The following BAHCC1 variants were observed in gnomAD, a reference collection of about 807,000 sequenced individuals.
The protein encoded by BAHCC1 is BAH and coiled-coil domain-containing protein 1.
BAHCC1 carries 43 observed loss-of-function variants against 88.2 expected under a neutral mutation model. That is an observed-to-expected ratio of 0.49 (90% CI 0.38 to 0.63). The LOEUF (loss-of-function observed/expected upper bound fraction) is 0.63. Ranked by LOEUF, BAHCC1 falls within the 20% of genes least tolerant of loss-of-function variation. The pLI is 0.00. For missense variants in BAHCC1, 3,023 were observed against 1,654.8 expected, an observed-to-expected ratio of 1.83 and a Z score of -14.34; for synonymous variants, 1,510 against 745.5, an observed-to-expected ratio of 2.03 and a Z score of -16.71.
At chr17:81,405,424 C>T (rs1338170986) in intron 2 of BAHCC1, among the ~76,000 whole-genome samples, 1 of 152,184 alleles carries the variant, frequency 6.6e-6, no homozygotes, top group Non-Finnish European at 1.5e-5. Context: ...GAGTTTTAAA[C>T]ATCCACCCTG....
At chr17:81,453,256 C>T (rs1244587610) in intron 14 of BAHCC1, among the ~76,000 whole-genome samples, 2 of 152,236 alleles carry the variant, frequency 1.3e-5, no homozygotes, top group African/African-American at 4.8e-5. Flanking sequence ...CGGCTGCCGG[C>T]GCGATGTTAT....
chr17:81,418,867 C>G (rs552674141), intron 2 of BAHCC1, among the ~76,000 whole-genome samples: 3 of 151,192 alleles, frequency 2.0e-5, no homozygotes, highest in African/African-American at 7.3e-5. Flanking sequence ...ACAGTCAGAC[C>G]TTGTGTGTAC....
At position 81,442,419 on chromosome 17, in the gene BAHCC1, T is replaced by A. The variant is rs530243205; in HGVS notation, c.1070T>A (p.Leu357His). ...TCCTACGCCGGGCCACCCCCGCCCC[T>A]CAGCACAGCCGCCGGCTCCTTCCCC... ...TASYAGPPPPLSTAAGSFPCL... is the reference protein window; with the variant it reads ...TASYAGPPPPHSTAAGSFPCL... The change falls in exon 5 of 28, where the codon CTC becomes CAC. Residue 357 changes from leucine (L) to histidine (H), a missense_variant. Transcript: ENST00000675386. The A allele has an allele frequency of 2.3e-5, 16 of 702,030 alleles. No individual in the cohort carries two copies. The Admixed American group carries it at 2.5e-4, about 11-fold the overall frequency. 43.5% of individuals were successfully genotyped at this position (702,030 alleles called of 1,614,324 possible). A position where few individuals can be genotyped will look rare whatever the true frequency, so the allele number is the denominator to read the frequency against.
intron 2 of BAHCC1, among the ~76,000 whole-genome samples, chr17:81,406,507 A>C (rs1445609059): frequency 1.3e-5 from 2 of 152,200 alleles, no homozygotes; most frequent in Non-Finnish European, 2.9e-5. Context: ...CAGTGTCTGG[A>C]AAATCACCCG....
rs148899124 is a variant in BAHCC1 at position 81,412,994 on chromosome 17, C to A, written c.178+13077C>A. ...TCGGTGCGGGTGCGGCCTCACCTTG[C>A]GGGGGCAGTGGGTGGGTGTCACTTC... is the stretch of plus-strand genomic sequence containing the variant. On this transcript the variant is annotated intron_variant, in intron 2 of 27. Coordinates refer to ENST00000675386, the MANE Select transcript of BAHCC1 (RefSeq NM_001377448.1). 1,524 of 292,706 alleles carry A rather than the reference C, an allele frequency of 5.2e-3. 6 individuals are homozygous for A. Among genetic ancestry groups the A allele is most frequent in the Non-Finnish European group, 8.4e-3 (1,157 of 138,518 alleles). The allele number at this position is 292,706 out of a possible 1,614,324, so 18.1% of individuals were successfully genotyped here.
intron 11 of BAHCC1, 57 bp from the exon 12 acceptor site, chr17:81,451,611 C>T (rs1269731125): frequency 1.4e-6 from 1 of 721,884 alleles, no homozygotes; most frequent in Admixed American, 1.8e-5. Flanking sequence ...CATCAAGAGC[C>T]TGTGAGGGGC....
chr17:81,420,245 A>C (rs964107517), intron 2 of BAHCC1, among the ~76,000 whole-genome samples: 2 of 152,204 alleles, frequency 1.3e-5, no homozygotes, highest in Non-Finnish European at 2.9e-5. Context: ...GGCAGGAGGC[A>C]GGCTAGTTCC....
At chr17:81,412,896 C>T (rs1357237655) in intron 2 of BAHCC1, among the ~76,000 whole-genome samples, 8 of 152,200 alleles carry the variant, frequency 5.3e-5, no homozygotes, top group African/African-American at 1.9e-4. Flanking sequence ...GGCCACCCTC[C>T]GGCTGTCGTG....
intron 11 of BAHCC1, among the ~76,000 whole-genome samples, chr17:81,449,044 G>A (rs1054025966): frequency 1.6e-4 from 24 of 152,322 alleles, no homozygotes; most frequent in Middle Eastern, 3.4e-3. Flanking sequence ...AGCAGGTCCC[G>A]TGTGTATGGC....
intron 1 of BAHCC1, chr17:81,396,384 CG>C (rs2063746527): frequency 6.6e-6 from 1 of 152,266 alleles, no homozygotes; most frequent in African/African-American, 2.4e-5. Context: ...GCGCGGGGCT[CG>C]GGTCACGGCC....
intron 2 of BAHCC1, among the ~76,000 whole-genome samples, chr17:81,417,289 G>A (rs949895391): frequency 3.9e-5 from 6 of 152,152 alleles, no homozygotes; most frequent in African/African-American, 1.2e-4. Context: ...AGGGAGTGGC[G>A]CTGACCACCC....
chr17:81,405,239 T>TA (rs1294917593), intron 2 of BAHCC1, among the ~76,000 whole-genome samples: 6 of 152,296 alleles, frequency 3.9e-5, no homozygotes, highest in Middle Eastern at 3.4e-3. Flanking sequence ...TAATTTTTTG[T>TA]ATTTTTAGTA....
intron 3 of BAHCC1, among the ~76,000 whole-genome samples, chr17:81,436,227 C>T (rs1555651712): frequency 6.6e-6 from 1 of 152,202 alleles, no homozygotes; most frequent in African/African-American, 2.4e-5. Flanking sequence ...GGTCTTCGGG[C>T]CCTGGCCAGT....
chr17:81,455,470 C>G, intron 15 of BAHCC1, 80 bp downstream of exon 15: 2 of 674,634 alleles, frequency 3.0e-6, no homozygotes, highest in Non-Finnish European at 5.4e-6. Context: ...CAGACTCTCC[C>G]CAGCCCTGTG....
chr17:81,415,431 C>G, intron 2 of BAHCC1: 1 of 419,762 alleles, frequency 2.4e-6, no homozygotes, highest in Non-Finnish European at 4.8e-6. Flanking sequence ...GCATACGTCC[C>G]CCTGGAAGGG....
intron 1 of BAHCC1, chr17:81,396,693 C>T (rs956058369): frequency 6.6e-6 from 1 of 152,320 alleles, no homozygotes; most frequent in South Asian, 2.1e-4. Context: ...ACAAAGCAAA[C>T]TTGTAGAAGC....
chr17:81,413,223 G>C (rs968166115), intron 2 of BAHCC1: 1 of 281,690 alleles, frequency 3.5e-6, no homozygotes, highest in South Asian at 2.6e-5. Context: ...TGCCCCCCCC[G>C]GGCGCTCGCT....
At chr17:81,417,458 C>T (rs1555648904) in intron 2 of BAHCC1, among the ~76,000 whole-genome samples, 1 of 152,074 alleles carries the variant, frequency 6.6e-6, no homozygotes, top group Non-Finnish European at 1.5e-5. Flanking sequence ...CCTGCCTGTG[C>T]CCCACCCTCA....
intron 3 of BAHCC1, among the ~76,000 whole-genome samples, chr17:81,431,038 A>G (rs2064255028): frequency 1.0e-5 from 1 of 98,380 alleles, no homozygotes; most frequent in Admixed American, 9.7e-5. Flanking sequence ...GGTGGAGGGG[A>G]CAGCGTGGGG....
Sources: gnomAD v4.1 joint callset for allele counts (sites outside exome capture counted in the v4.1 genomes callset) on GRCh38, gnomAD v4.1.1 for gene constraint, MANE v1.5 for transcripts, NCBI Gene and HGNC (gene_info 2026-07-23, HGNC 2026-07-21) for gene names.